Variants in TCHP observed in about 807,000 individuals in gnomAD.
TCHP encodes the protein trichoplein keratin filament-binding protein.
TCHP carries 81 observed loss-of-function variants against 88.7 expected under a neutral mutation model. The ratio of observed to expected loss-of-function variants is 0.91; its 90% confidence interval spans 0.76 to 1.10. TCHP has a LOEUF of 1.10. TCHP is among the 50% of genes least tolerant of loss of function. The pLI is 0.00. For missense variants in TCHP, 641 were observed against 632.1 expected, an observed-to-expected ratio of 1.01 and a Z score of -0.15; for synonymous variants, 232 against 232.5, an observed-to-expected ratio of 1.00 and a Z score of 0.02.
chr12:109,908,299 T>A (rs1870260725), intron 6 of TCHP, among the ~76,000 whole-genome samples: 1 of 152,176 alleles, frequency 6.6e-6, no homozygotes, highest in Non-Finnish European at 1.5e-5. Context: ...AGTCCTGACC[T>A]CCTGGTGGGG....
chr12:109,908,636 G>A lies in TCHP; in HGVS notation c.750G>A (p.Glu250=), dbSNP rs780369200. Residue 250 remains glutamate (E), a synonymous_variant, in exon 7 of 13, where the codon GAG becomes GAA. Coordinates refer to ENST00000405876, the MANE Select transcript of TCHP (RefSeq NM_001143852.2). ...EQENLLKQRW[E]LERLEEERKQ... is the part of the protein sequence containing the mutation. ...AGAATCTGTTGAAGCAGCGGTGGGA[G>A]CTAGAGAGGCTGGAGGAAGAGCGAA... is the stretch of plus-strand genomic sequence containing the variant. 3 of 1,602,966 alleles carry A rather than the reference G, an allele frequency of 1.9e-6. No individual in the cohort carries two copies. The highest frequency in any genetic ancestry group is 2.6e-6 in the Non-Finnish European group (3 of 1,176,036).
intron 8 of TCHP, among the ~76,000 whole-genome samples, chr12:109,909,291 C>T (rs1030065510): frequency 6.6e-5 from 10 of 152,164 alleles, no homozygotes; most frequent in Admixed American, 6.5e-4. Flanking sequence ...ATACAGGTAT[C>T]AAAACATCAA....
In TCHP at chr12:109,913,057, C is replaced by T; in HGVS notation, c.1119C>T (p.Asp373=). Residue 373 remains aspartate, a synonymous_variant, in exon 10 of 13, where the codon GAC becomes GAT. Coordinates refer to ENST00000405876, the MANE Select transcript of TCHP (RefSeq NM_001143852.2). The stretch of plus-strand genomic sequence containing the variant: ...GGGCCCGAGAGCGCAGCGCACGGGA[C>T]AGACTGATGAGCGAGGTAATCCCAG... ...AEWARERSAR[D]RLMSEVLTGR... 6.2e-7 allele frequency: 1 copy of T among 1,613,848 alleles called. No individual in the cohort carries two copies. Among genetic ancestry groups the T allele is most frequent in the Non-Finnish European group, 8.5e-7 (1 of 1,179,992 alleles).
intron 11 of TCHP, 147 bp downstream of exon 11, chr12:109,914,774 C>T (rs760248723): frequency 4.3e-5 from 27 of 629,168 alleles, no homozygotes; most frequent in Admixed American, 8.9e-5. Flanking sequence ...AGCTGCAGTC[C>T]TCATCCTCTT....
chr12:109,887,750 C>T, the TCHP span: 1 of 152,380 alleles, frequency 6.6e-6, no homozygotes, highest in African/African-American at 2.4e-5. Context: ...TTTCTTATTC[C>T]ATTTGGGATC....
chr12:109,892,308 C>T, the TCHP span, among the ~76,000 whole-genome samples: 2 of 152,218 alleles, frequency 1.3e-5, no homozygotes, highest in Admixed American at 6.5e-5. Context: ...GGGACATTTA[C>T]ACTGGGATCC....
intron 5 of TCHP, 43 bp downstream of exon 5, chr12:109,906,683 C>G: frequency 6.6e-7 from 1 of 1,519,960 alleles, no homozygotes. Flanking sequence ...TTCTGCTGTG[C>G]GAGACTGTTC....
chr12:109,885,639 G>A, the TCHP span, among the ~76,000 whole-genome samples: 1 of 151,838 alleles, frequency 6.6e-6, no homozygotes, highest in Non-Finnish European at 1.5e-5. Context: ...TCACCATCAC[G>A]CCCAGCTAAT....
At chr12:109,913,880 G>A (rs1263145688) in intron 10 of TCHP, among the ~76,000 whole-genome samples, 1 of 152,134 alleles carries the variant, frequency 6.6e-6, no homozygotes, top group African/African-American at 2.4e-5. Flanking sequence ...CCTCCTGATG[G>A]CGGCCACTTT....
At chr12:109,886,715 G>GT in the TCHP span, among the ~76,000 whole-genome samples, 1 of 151,312 alleles carries the variant, frequency 6.6e-6, no homozygotes, top group Non-Finnish European at 1.5e-5. Flanking sequence ...TTTGTTTTTT[G>GT]TTTTTTGTTT....
upstream of TCHP, among the ~76,000 whole-genome samples, chr12:109,898,662 C>CT (rs1387079325): frequency 6.6e-6 from 1 of 152,206 alleles, no homozygotes; most frequent in East Asian, 1.9e-4. Context: ...GGGTCTCACT[C>CT]TGTCACTCAG....
intron 12 of TCHP, 21 bp downstream of exon 12, chr12:109,915,567 T>C (rs1870767671): frequency 6.2e-7 from 1 of 1,600,952 alleles, no homozygotes; most frequent in Non-Finnish European, 8.5e-7. Context: ...TGCCAGGATA[T>C]AGGCCAACAC....
the TCHP span, among the ~76,000 whole-genome samples, chr12:109,884,963 C>G: frequency 1.3e-5 from 2 of 152,154 alleles, no homozygotes; most frequent in Non-Finnish European, 2.9e-5. Context: ...CCAGTAATGT[C>G]CTTTGTTTTT....
intron 8 of TCHP, among the ~76,000 whole-genome samples, chr12:109,909,268 C>G (rs1870346355): frequency 6.6e-6 from 1 of 152,156 alleles, no homozygotes; most frequent in African/African-American, 2.4e-5. Flanking sequence ...TGTGTGTATA[C>G]ATAGATGGAT....
In TCHP at chr12:109,914,469, C is replaced by A. The variant is rs570458291; in HGVS notation, c.1162C>A (p.Gln388Lys). The change falls in exon 11 of 13, where the codon CAA (glutamine) becomes AAA (lysine). Residue 388 changes from glutamine to lysine, a missense_variant. Coordinates refer to ENST00000405876, the MANE Select transcript of TCHP (RefSeq NM_001143852.2). ...TCTGACAGGGAGACAACAGCAAATA[C>A]AAGAGAAGATTGAGCAGAACCGACG... ...EVLTGRQQQI[Q>K]EKIEQNRRAQ... The A allele has an allele frequency of 6.8e-6, 11 of 1,613,756 alleles. No homozygotes were observed. The African/African-American group carries it at 1.2e-4, about 18-fold the overall frequency.
chr12:109,895,377 TAAA>T (rs1009419388), upstream of TCHP, among the ~76,000 whole-genome samples: 10 of 146,108 alleles, frequency 6.8e-5, no homozygotes, highest in Non-Finnish European at 1.5e-4. Context: ...ACCCGATTAA[TAAA>T]AAAAAAAATT....
chr12:109,906,497 G>C lies in TCHP; in HGVS notation c.457-75G>C. 3.5e-6 allele frequency: 5 copies of C among 1,444,038 alleles called. No homozygotes were observed. The South Asian group carries it at 5.8e-5, about 17-fold the overall frequency. 89.5% of individuals were successfully genotyped at this position (1,444,038 alleles called of 1,614,324 possible). ...GCCACGTTCCCGCAGGTGGCACAGA[G>C]GGCAGGAGCACACTGTCCCCACAGT... On this transcript the variant is annotated intron_variant, in intron 4 of 12. Transcript: ENST00000405876.
intron 11 of TCHP, 40 bp from the exon 12 acceptor site, chr12:109,915,363 G>A: frequency 6.2e-7 from 1 of 1,613,832 alleles, no homozygotes. Flanking sequence ...CTGCCCTGTG[G>A]GCCTTGTCTT....
the TCHP span, among the ~76,000 whole-genome samples, chr12:109,884,410 G>A: frequency 6.6e-6 from 1 of 151,912 alleles, no homozygotes; most frequent in Non-Finnish European, 1.5e-5. Context: ...GGGTGGTCTG[G>A]ATCTCCTGAC....
Sources: gnomAD v4.1 joint callset for allele counts (sites outside exome capture counted in the v4.1 genomes callset) on GRCh38, gnomAD v4.1.1 for gene constraint, MANE v1.5 for transcripts, NCBI Gene and HGNC (gene_info 2026-07-23, HGNC 2026-07-21) for gene names.